PIF1: variants seen among roughly 807,000 people sequenced by gnomAD.
PIF1 encodes PIF1 5'-to-3' DNA helicase.
A neutral mutation model predicts 62.3 loss-of-function variants in PIF1; 67 were observed. That is an observed-to-expected ratio of 1.08 (90% confidence interval 0.88 to 1.32). The LOEUF (loss-of-function observed/expected upper bound fraction) is 1.32. Ranked by LOEUF, PIF1 falls within the 40% of genes most tolerant of loss-of-function variation. The pLI is 0.00. For synonymous variants in PIF1, 364 were observed against 379.5 expected (o/e 0.96, Z 0.47); for missense variants, 886 against 866.1 (o/e 1.02, Z -0.29).
chr15:64,819,223 C>A lies in PIF1; in HGVS notation c.1334G>T (p.Gly445Val). Reference sequence around the variant, plus strand: ...CATAGCCTCAAATCTGTGTACCTTACCTGGAGAAAAAGAGTTGAGCAAACA... The same window carrying A: ...CATAGCCTCAAATCTGTGTACCTTAACTGGAGAAAAAGAGTTGAGCAAACA... ...TNERRLQELP[G>V]KVHRFEAMDS... The change falls in exon 9 of 13, where the codon GGT (glycine) becomes GTT (valine). Residue 445 changes from glycine (G) to valine (V), a missense_variant and splice_region_variant. Gly to Val is a moderately radical substitution (Grantham distance 109, BLOSUM62 -3). Coordinates refer to ENST00000559239, the MANE Select transcript of PIF1 (RefSeq NM_001286496.2). 6.3e-7 allele frequency: 1 copy of A among 1,595,898 alleles called. No homozygotes were observed.
In PIF1 at chr15:64,824,203, G is replaced by C. The variant is rs2084334329; in HGVS notation, c.133C>G (p.Leu45Val). ...AACTCGCGGCGCTCGTTGCGACCCA[G>C]GCTCAGCTCCGCGGTGCGCAGGGCC... ...RQALRTAELS[L>V]GRNERRELML... Residue 45 changes from leucine (L) to valine (V), a missense_variant, in exon 2 of 13, where the codon CTG (leucine) becomes GTG (valine). Physicochemically the swap from Leu to Val is conservative, Grantham distance 32. Coordinates refer to ENST00000559239, the MANE Select transcript of PIF1 (RefSeq NM_001286496.2). 31 of 1,355,572 alleles carry C rather than the reference G, an allele frequency of 2.3e-5. No individual in the cohort carries two copies. Among genetic ancestry groups the C allele is most frequent in the Non-Finnish European group, 2.9e-5 (30 of 1,048,312 alleles). The allele number at this position is 1,355,572 out of a possible 1,614,324, so 84.0% of individuals were successfully genotyped here.
chr15:64,822,249 T>C lies in PIF1; in HGVS notation c.817+17A>G. On this transcript the variant is annotated intron_variant, in intron 4 of 12. Coordinates refer to ENST00000559239, the MANE Select transcript of PIF1 (RefSeq NM_001286496.2). ...CTGGGCTTGCTCTTAGCTCAAGCCC[T>C]AGGGGTTCCTACTTACCTGCAAAGG... The C allele has an allele frequency of 6.2e-7, 1 of 1,609,006 alleles. No homozygotes were observed. The highest frequency in any genetic ancestry group is 8.5e-7 in the Non-Finnish European group (1 of 1,178,530).
At chr15:64,818,807 T>C (rs1387525615) in intron 9 of PIF1, 2 of 335,358 alleles carry the variant, frequency 6.0e-6, no homozygotes, top group African/African-American at 4.3e-5. Flanking sequence ...TTATAAAGTA[T>C]ACTACAGAAG....
At chr15:64,823,233 T>A (rs2084315204) in intron 2 of PIF1, 3 of 143,812 alleles carry the variant, frequency 2.1e-5, no homozygotes, top group African/African-American at 7.7e-5. Flanking sequence ...CCTCCTTCTC[T>A]TCTTTCTCTC....
intron 1 of PIF1, 129 bp from the exon 2 acceptor site, chr15:64,824,483 T>C: frequency 1.8e-6 from 1 of 555,340 alleles, no homozygotes. Context: ...TCACGAGGAC[T>C]GTCACTGGTA....
At chr15:64,826,956 A>C (rs142644516), upstream of PIF1, among the ~76,000 whole-genome samples, 201 of 152,004 alleles carry the variant, frequency 1.3e-3, 1 homozygote, top group African/African-American at 4.7e-3. Context: ...TATGGAGAGC[A>C]AAACCAAACA....
At position 64,821,362 on chromosome 15, in the gene PIF1, C is replaced by T. The variant is rs377025726; in HGVS notation, c.971+5G>A. 3 of 1,613,956 alleles carry T rather than the reference C, an allele frequency of 1.9e-6. No individual in the cohort carries two copies. The highest frequency in any genetic ancestry group is 8.5e-7 in the Non-Finnish European group (1 of 1,179,860). ...TCTCACCTGCTGCCCTCTGAACATA[C>T]TGACCTGGCCACGGCCTCCAGTTTG... is the stretch of plus-strand genomic sequence containing the variant. On this transcript the variant is annotated splice_donor_5th_base_variant and intron_variant, in intron 5 of 12. Coordinates refer to ENST00000559239, the MANE Select transcript of PIF1 (RefSeq NM_001286496.2).
intron 2 of PIF1, among the ~76,000 whole-genome samples, 169 bp from the exon 3 acceptor site, chr15:64,822,779 C>T (rs1444293103): frequency 6.6e-6 from 1 of 152,068 alleles, no homozygotes; most frequent in Non-Finnish European, 1.5e-5. Flanking sequence ...TATTGGGGTC[C>T]CGATCTCTCC....
Position 64,822,556 on chromosome 15 carries a change from G to A in PIF1, c.613C>T (p.Pro205Ser). The A allele has an allele frequency of 6.2e-7, 1 of 1,614,138 alleles. No individual in the cohort carries two copies. The highest frequency in any genetic ancestry group is 8.5e-7 in the Non-Finnish European group (1 of 1,180,030). Residue 205 changes from proline (P) to serine (S), a missense_variant, in exon 3 of 13, where the codon CCA becomes TCA. Physicochemically the swap from Pro to Ser is moderately conservative, Grantham distance 74. Coordinates refer to ENST00000559239, the MANE Select transcript of PIF1 (RefSeq NM_001286496.2). ...GCAGCCTGTTCCTCAGAAAGCTGTG[G>A]CTTGGTGGAGGGCAAGCTCAGCCTC... Reference protein sequence around the residue: ...VKRLSLPSTKPQLSEEQAAVL... With the variant: ...VKRLSLPSTKSQLSEEQAAVL...
intron 2 of PIF1, among the ~76,000 whole-genome samples, chr15:64,822,950 T>C (rs2084311684): frequency 6.6e-6 from 1 of 152,038 alleles, no homozygotes; most frequent in African/African-American, 2.4e-5. Flanking sequence ...CAAACCTGTT[T>C]CTCACCTCAA....
chr15:64,824,252 CG>C lies in PIF1; in HGVS notation c.83del (p.Pro28ArgfsTer16). 1 of 1,308,376 alleles carries C rather than the reference CG, an allele frequency of 7.6e-7. No homozygotes were observed. The highest frequency in any genetic ancestry group is 9.8e-7 in the Non-Finnish European group (1 of 1,023,410). The allele number at this position is 1,308,376 out of a possible 1,614,324, so 81.0% of individuals were successfully genotyped here. A position where few individuals can be genotyped will look rare whatever the true frequency, so the allele number is the denominator to read the frequency against. ...RCRVAVEELSPGGQPRRRQAL... is the reference protein window; with the variant it reads ...RCRVAVEELSXGGQPRRRQAL... ...CCTGGCGCCTTCGCGGCTGCCCGCC[CG>C]GGCTCAGCTCCTCCACAGCCACGCG... is the stretch of plus-strand genomic sequence containing the variant. On this transcript the variant is annotated frameshift_variant, in exon 2 of 13. Transcript: ENST00000559239. LOFTEE classifies it high-confidence loss of function.
rs771743171 is a variant in PIF1, at chr15:64,816,674, T to G, written c.1766A>C (p.Gln589Pro). ...GTCAAAGTCCAGCACACGTAGGCCCTGCAGGCTGCGGGCCCGAGAAAGGGC... is the reference window on the plus strand; with the variant it reads ...GTCAAAGTCCAGCACACGTAGGCCCGGCAGGCTGCGGGCCCGAGAAAGGGC... Reference protein sequence around the residue: ...YVALSRARSLQGLRVLDFDPM... With the variant: ...YVALSRARSLPGLRVLDFDPM... The change falls in exon 12 of 13, where the codon CAG becomes CCG. Residue 589 changes from glutamine to proline, a missense_variant. Coordinates refer to ENST00000559239, the MANE Select transcript of PIF1 (RefSeq NM_001286496.2). 3 of 1,613,862 alleles carry G rather than the reference T, an allele frequency of 1.9e-6. No individual in the cohort carries two copies. Among genetic ancestry groups the G allele is most frequent in the Non-Finnish European group, 2.5e-6 (3 of 1,179,974 alleles).
In PIF1 at chr15:64,820,585, C is replaced by G. The variant is rs184065069; in HGVS notation, c.1193+397G>C. The stretch of plus-strand genomic sequence containing the variant: ...CTAATTTTTGTATTTTTAGTAGAGA[C>G]TGGGTTTCACCAGGTTGGCCAGGCT... On this transcript the variant is annotated intron_variant, in intron 7 of 12. Coordinates refer to ENST00000559239, the MANE Select transcript of PIF1 (RefSeq NM_001286496.2). Among the ~76,000 whole-genome samples the G allele has an allele frequency of 6.6e-4, 101 of 152,246 alleles. 1 individual carries two copies. Among genetic ancestry groups the G allele is most frequent in the African/African-American group, 2.4e-3 (99 of 41,550 alleles).
rs938045409 is a variant in PIF1, at chr15:64,824,165, C to T, written c.171G>A (p.Leu57=). Residue 57 remains leucine, a synonymous_variant, in exon 2 of 13, where the codon CTG becomes CTA. Transcript: ENST00000559239. ...RNERRELMLR[L]QAPGPAGRPR... ...GCCGCCCCGCGGGCCCTGGCGCTTGCAGCCGCAGCATCAACTCGCGGCGCT... is the reference window on the plus strand; with the variant it reads ...GCCGCCCCGCGGGCCCTGGCGCTTGTAGCCGCAGCATCAACTCGCGGCGCT... The T allele has an allele frequency of 2.3e-6, 3 of 1,318,182 alleles. No individual in the cohort carries two copies. Among genetic ancestry groups the T allele is most frequent in the Admixed American group, 3.6e-5 (1 of 27,958 alleles). 81.7% of individuals were successfully genotyped at this position (1,318,182 alleles called of 1,614,324 possible).
At chr15:64,822,191 T>C in intron 4 of PIF1, 75 bp downstream of exon 4, 1 of 1,557,028 alleles carries the variant, frequency 6.4e-7, no homozygotes, top group Admixed American at 2.2e-5. Flanking sequence ...ACTCCCTCTT[T>C]ATGCAGACCT....
In PIF1 at chr15:64,819,848, T is replaced by C; in HGVS notation, c.1332A>G (p.Pro444=). The part of the protein sequence containing the change: ...LTNERRLQEL[P]GKVHRFEAMD... The stretch of plus-strand genomic sequence containing the variant: ...GCCCAGCCCAGGCTCCCTGCTCACC[T>C]GGCAGCTCCTGAAGCCGCCTCTCGT... The change falls in exon 8 of 13, where the codon CCA becomes CCG. Residue 444 remains proline (P), a splice_region_variant and synonymous_variant. Transcript: ENST00000559239. The C allele has an allele frequency of 1.2e-6, 2 of 1,613,000 alleles. No homozygotes were observed. Among genetic ancestry groups the C allele is most frequent in the Non-Finnish European group, 1.7e-6 (2 of 1,180,002 alleles).
At chr15:64,819,636 C>T (rs552367268) in intron 8 of PIF1, among the ~76,000 whole-genome samples, 3 of 152,168 alleles carry the variant, frequency 2.0e-5, no homozygotes, top group African/African-American at 7.2e-5. Context: ...GACCAGAGCA[C>T]GGGGGTAGGG....
intron 11 of PIF1, 90 bp from the exon 12 acceptor site, chr15:64,816,855 C>G: frequency 4.1e-6 from 5 of 1,210,370 alleles, no homozygotes; most frequent in Non-Finnish European, 5.7e-6. Flanking sequence ...TGCTACTGCC[C>G]CTGGATCTCC....
intron 2 of PIF1, among the ~76,000 whole-genome samples, chr15:64,823,109 C>T (rs1452380666): frequency 6.6e-6 from 1 of 152,146 alleles, no homozygotes; most frequent in African/African-American, 2.4e-5. Context: ...TTCCCCTCAT[C>T]TGCTTCAACT....
Sources: allele counts gnomAD v4.1 joint callset (sites outside exome capture counted in the v4.1 genomes callset), GRCh38; gene constraint gnomAD v4.1.1; transcripts MANE v1.5; gene names NCBI Gene and HGNC (gene_info 2026-07-23, HGNC 2026-07-21).